SPEF2: variants seen among roughly 807,000 people sequenced by gnomAD.
The protein encoded by SPEF2 is sperm flagella and cilia-associated protein 2.
Under a neutral mutation model 224.6 loss-of-function variants are expected in SPEF2, and 187 were observed. The ratio of observed to expected loss-of-function variants is 0.83; its 90% confidence interval spans 0.74 to 0.94. The LOEUF is 0.94. Among genes scored for constraint, SPEF2 ranks in the 40% least tolerant of loss-of-function variants. The pLI is 0.00. For synonymous variants in SPEF2, 715 were observed against 707.3 expected (o/e 1.01, Z -0.17); for missense variants, 2,170 against 2,135.6 (o/e 1.02, Z -0.32).
chr5:35,617,961 T>C lies in SPEF2; in HGVS notation c.-37T>C. ...GCAGGCTTGGTTCCTGGCGAGTTTC[T>C]AAGCCCCCGCCTGCGGTCTGAGGCA... On this transcript the variant is annotated 5_prime_UTR_variant, in exon 1 of 37. Coordinates refer to ENST00000356031, the MANE Select transcript of SPEF2 (RefSeq NM_024867.4). 3 of 1,557,618 alleles carry C rather than the reference T, an allele frequency of 1.9e-6. No individual in the cohort carries two copies. The highest frequency in any genetic ancestry group is 2.6e-6 in the Non-Finnish European group (3 of 1,148,916).
chr5:35,711,720 G>C (rs1433399836), intron 19 of SPEF2, among the ~76,000 whole-genome samples: 1 of 147,112 alleles, frequency 6.8e-6, no homozygotes, highest in African/African-American at 2.5e-5. Flanking sequence ...AAAGTCACCT[G>C]TCTTATTTCT....
chr5:35,771,632 G>A lies in SPEF2; in HGVS notation c.3825G>A (p.Arg1275=), dbSNP rs754585068. ...AGGTGGCTGCTGAAATTCATCAGAG[G>A]CTTATGGAAGAAGAAAAAGAAAACC... ...SHMVAAEIHQ[R]LMEEEKENQP... The change falls in exon 27 of 37, where the codon AGG becomes AGA. Residue 1275 remains arginine (R), a synonymous_variant. Transcript: ENST00000356031. 1 of 1,609,722 alleles carries A rather than the reference G, an allele frequency of 6.2e-7. No individual in the cohort carries two copies. The highest frequency in any genetic ancestry group is 1.1e-5 in the South Asian group (1 of 90,088).
At chr5:35,750,997 G>GTATATATATATATACGTATATATATACC in intron 23 of SPEF2, among the ~76,000 whole-genome samples, 1 of 28,946 alleles carries the variant, frequency 3.5e-5, no homozygotes, top group East Asian at 1.1e-3. Flanking sequence ...ATATATATAT[G>GTATATATATATATACGTATATATATACC]TATATATATA....
chr5:35,795,907 T>C, intron 33 of SPEF2, 112 bp downstream of exon 33: 2 of 876,936 alleles, frequency 2.3e-6, no homozygotes, highest in Non-Finnish European at 3.6e-6. Context: ...CCTCAATTCC[T>C]CTGCTGCCTC....
chr5:35,738,282 C>T (rs1039455089), intron 21 of SPEF2, among the ~76,000 whole-genome samples: 155 of 152,060 alleles, frequency 1.0e-3, no homozygotes, highest in African/African-American at 3.5e-3. Context: ...ACATGAAGTC[C>T]TTGCCCATGC....
chr5:35,671,199 T>A, intron 10 of SPEF2: 1 of 985,272 alleles, frequency 1.0e-6, no homozygotes, highest in Non-Finnish European at 1.2e-6. Flanking sequence ...AACAAAGGTT[T>A]GTGGGACAAA....
At chr5:35,670,774 T>G in intron 10 of SPEF2, 1 of 984,334 alleles carries the variant, frequency 1.0e-6, no homozygotes. Flanking sequence ...AGAGCTACAT[T>G]ACTGAAATTG....
intron 24 of SPEF2, among the ~76,000 whole-genome samples, chr5:35,754,879 T>C (rs761401041): frequency 3.9e-5 from 6 of 152,244 alleles, no homozygotes. Flanking sequence ...ATGAGAGTAC[T>C]TATCTGGCAA....
chr5:35,635,037 T>A (rs1322015098), intron 2 of SPEF2, among the ~76,000 whole-genome samples: 1 of 152,098 alleles, frequency 6.6e-6, no homozygotes, highest in Non-Finnish European at 1.5e-5. Flanking sequence ...GCGAAGTGAT[T>A]TTCCCTCAGG....
chr5:35,657,098 T>C (rs1749071787), intron 7 of SPEF2, among the ~76,000 whole-genome samples: 1 of 152,224 alleles, frequency 6.6e-6, no homozygotes, highest in South Asian at 2.1e-4. Flanking sequence ...CTTCCTTCAA[T>C]TACTTGCTGC....
At chr5:35,680,004 T>C (rs966539673) in intron 10 of SPEF2, among the ~76,000 whole-genome samples, 17 of 152,202 alleles carry the variant, frequency 1.1e-4, no homozygotes, top group Non-Finnish European at 2.5e-4. Flanking sequence ...TTTGGGGATA[T>C]TTCTATTTAA....
intron 10 of SPEF2, among the ~76,000 whole-genome samples, chr5:35,687,915 ATTGCAAGCAAAAAATTT>A (rs1489374899): frequency 0.011 from 1,654 of 152,232 alleles, 25 homozygotes; most frequent in African/African-American, 0.039. Context: ...AGCAAAAAAA[ATTGCAAGCAAAAAATTT>A]TTGCAAGCAA....
intron 36 of SPEF2, chr5:35,807,514 A>G: frequency 1.0e-6 from 1 of 971,264 alleles, no homozygotes; most frequent in South Asian, 1.6e-5. Context: ...CATTGTAGCC[A>G]TGTAATGACC....
Position 35,753,751 on chromosome 5 carries a change from C to T in SPEF2, c.3458C>T (p.Ser1153Phe). Residue 1153 changes from serine (S) to phenylalanine (F), a missense_variant, in exon 24 of 37, where the codon TCC (serine) becomes TTC (phenylalanine). Transcript: ENST00000356031. ...TLGMTMNHFF[S>F]LMQAELNRFQ... ...GGAATGACAATGAACCATTTCTTTT[C>T]CCTGATGCAGGTAAGAGCAGCTGGT... 6.2e-7 allele frequency: 1 copy of T among 1,614,090 alleles called. No individual in the cohort carries two copies. Among genetic ancestry groups the T allele is most frequent in the Non-Finnish European group, 8.5e-7 (1 of 1,179,998 alleles).
chr5:35,726,913 T>G (rs1744741890), intron 20 of SPEF2, among the ~76,000 whole-genome samples: 1 of 152,154 alleles, frequency 6.6e-6, no homozygotes, highest in African/African-American at 2.4e-5. Flanking sequence ...TCAGGGAAAG[T>G]GAAGTGAATG....
chr5:35,649,579 G>A (rs1414310484), intron 6 of SPEF2, among the ~76,000 whole-genome samples, 154 bp downstream of exon 6: 1 of 152,174 alleles, frequency 6.6e-6, no homozygotes. Flanking sequence ...AGATAAATGA[G>A]CTAAAGTTCA....
At chr5:35,780,732 A>T (rs1754226748) in intron 30 of SPEF2, among the ~76,000 whole-genome samples, 1 of 152,094 alleles carries the variant, frequency 6.6e-6, no homozygotes, top group Non-Finnish European at 1.5e-5. Context: ...GTGTAAGTGG[A>T]TTCTAAACAT....
At chr5:35,737,445 T>A (rs1378542999) in intron 21 of SPEF2, among the ~76,000 whole-genome samples, 2 of 145,418 alleles carry the variant, frequency 1.4e-5, no homozygotes, top group Non-Finnish European at 3.0e-5. Context: ...TTCCCACCTA[T>A]GAGTGAGAAC....
intron 15 of SPEF2, 46 bp from the exon 16 acceptor site, chr5:35,700,450 A>T: frequency 3.2e-6 from 5 of 1,542,290 alleles, no homozygotes; most frequent in Non-Finnish European, 4.4e-6. Flanking sequence ...TTTCCAAAGT[A>T]CTTGTGTCTA....
Sources: gnomAD v4.1 joint callset for allele counts (sites outside exome capture counted in the v4.1 genomes callset) on GRCh38, gnomAD v4.1.1 for gene constraint, MANE v1.5 for transcripts, NCBI Gene and HGNC (gene_info 2026-07-23, HGNC 2026-07-21) for gene names.